ZNF704: variants seen among roughly 807,000 people sequenced by gnomAD.
The protein encoded by ZNF704 is glucocorticoid induced gene 1.
Under a neutral mutation model 44.7 loss-of-function variants are expected in ZNF704, and 10 were observed. The observed-to-expected ratio is 0.22, with a 90% CI of 0.14 to 0.38. ZNF704 has a LOEUF of 0.38. Ranked by LOEUF, ZNF704 falls within the 10% of genes least tolerant of loss-of-function variation. The pLI is 1.00. For synonymous variants in ZNF704, 211 were observed against 207.6 expected, an observed-to-expected ratio of 1.02 and a Z score of -0.14; for missense variants, 390 against 545.5, an observed-to-expected ratio of 0.71 and a Z score of 2.84.
chr8:80,849,762 G>T (rs1407748815), intron 1 of ZNF704, among the ~76,000 whole-genome samples: 2 of 152,204 alleles, frequency 1.3e-5, no homozygotes. Flanking sequence ...TGAAGATGAT[G>T]AGGTTTTAAG....
chr8:80,702,664 C>T (rs1020005055), intron 2 of ZNF704, among the ~76,000 whole-genome samples: 4 of 151,854 alleles, frequency 2.6e-5, no homozygotes, highest in Admixed American at 6.6e-5. Flanking sequence ...AATCAGGTGC[C>T]GAGGACACAA....
chr8:80,641,311 G>T lies in ZNF704; in HGVS notation c.*55C>A. The stretch of plus-strand genomic sequence containing the variant: ...AAAAGCTCTTTCCAACACCTGCAGT[G>T]GCAGGCCAGGGCAGGAGCGGCTCAG... On this transcript the variant is annotated 3_prime_UTR_variant, in exon 9 of 9. Transcript: ENST00000327835. The T allele has an allele frequency of 8.5e-7, 1 of 1,177,210 alleles. No individual in the cohort carries two copies. Among genetic ancestry groups the T allele is most frequent in the South Asian group, 1.6e-5 (1 of 61,140 alleles). The allele number at this position is 1,177,210 out of a possible 1,614,324, so 72.9% of individuals were successfully genotyped here. A position where few individuals can be genotyped will look rare whatever the true frequency, so the allele number is the denominator to read the frequency against.
the ZNF704 span, among the ~76,000 whole-genome samples, chr8:80,883,054 A>G: frequency 0.013 from 1,864 of 146,926 alleles, 45 homozygotes; most frequent in African/African-American, 0.045. Flanking sequence ...ACTGGGCAAC[A>G]TAATGAAACC....
At chr8:80,726,417 T>A (rs530650746) in intron 2 of ZNF704, among the ~76,000 whole-genome samples, 36 of 152,164 alleles carry the variant, frequency 2.4e-4, no homozygotes, top group Non-Finnish European at 4.1e-4. Context: ...CAGGGGAGAT[T>A]TGAAGATGAA....
chr8:80,725,884 G>T (rs1048549932), intron 2 of ZNF704, among the ~76,000 whole-genome samples: 2 of 152,016 alleles, frequency 1.3e-5, no homozygotes, highest in Non-Finnish European at 2.9e-5. Context: ...AAAAGTAAAA[G>T]AAATTTCTTT....
chr8:80,839,411 C>T (rs562565709), intron 1 of ZNF704, among the ~76,000 whole-genome samples: 2 of 152,332 alleles, frequency 1.3e-5, no homozygotes, highest in African/African-American at 4.8e-5. Context: ...AAGTTGAAAA[C>T]TAATGAACTC....
In ZNF704 at chr8:80,821,562, T is replaced by A. The variant is rs1253719680; in HGVS notation, c.33A>T (p.Lys11Asn). 3 of 1,613,750 alleles carry A rather than the reference T, an allele frequency of 1.9e-6. No homozygotes were observed. The highest frequency in any genetic ancestry group is 2.5e-6 in the Non-Finnish European group (3 of 1,179,962). ...GAGACATTTTTTTACCACAGTCACG[T>A]TTTAAGTCCTCTGACTGAAATGTGA... MTFTFQSEDL[K>N]RDCGKKMSHQ... Residue 11 changes from lysine (K) to asparagine (N), a missense_variant, in exon 2 of 9, where the codon AAA becomes AAT. Coordinates refer to ENST00000327835, the MANE Select transcript of ZNF704 (RefSeq NM_001033723.3).
intron 1 of ZNF704, among the ~76,000 whole-genome samples, chr8:80,839,786 C>T (rs150207986): frequency 1.3e-5 from 2 of 152,090 alleles, no homozygotes; most frequent in African/African-American, 4.8e-5. Context: ...TGCTCCTGAT[C>T]CTTCCTGCCT....
intron 4 of ZNF704, among the ~76,000 whole-genome samples, chr8:80,684,462 T>A (rs1257645837): frequency 6.6e-6 from 1 of 152,100 alleles, no homozygotes; most frequent in Non-Finnish European, 1.5e-5. Context: ...AAAAAACTGA[T>A]CTAGAAGGTT....
chr8:80,670,562 A>G lies in ZNF704; in HGVS notation c.600T>C (p.Cys200=). 6.2e-7 allele frequency: 1 copy of G among 1,614,054 alleles called. No homozygotes were observed. The highest frequency in any genetic ancestry group is 1.1e-5 in the South Asian group (1 of 91,068). The change falls in exon 5 of 9, where the codon TGT becomes TGC. Residue 200 remains cysteine (C), a synonymous_variant. Transcript: ENST00000327835. ...CTGCTGCAGTGCTCAGCACCTTCCCACAGTTTTTCCAGAGGCATTTGAACA... is the reference window on the plus strand; with the variant it reads ...CTGCTGCAGTGCTCAGCACCTTCCCGCAGTTTTTCCAGAGGCATTTGAACA... The part of the protein sequence containing the change: ...KVMFKCLWKN[C]GKVLSTAAGI...
At chr8:80,710,495 C>G (rs1054867668) in intron 2 of ZNF704, among the ~76,000 whole-genome samples, 1 of 152,174 alleles carries the variant, frequency 6.6e-6, no homozygotes, top group Non-Finnish European at 1.5e-5. Flanking sequence ...GACAGTGATT[C>G]TATCTCCACA....
upstream of ZNF704, among the ~76,000 whole-genome samples, chr8:80,876,588 G>A (rs923630972): frequency 6.6e-6 from 1 of 152,168 alleles, no homozygotes; most frequent in Non-Finnish European, 1.5e-5. Flanking sequence ...ACCTAGGTCC[G>A]AATCCTGACT....
intron 2 of ZNF704, among the ~76,000 whole-genome samples, chr8:80,795,239 T>C (rs762433710): frequency 7.2e-5 from 11 of 152,192 alleles, no homozygotes; most frequent in South Asian, 2.1e-4. Flanking sequence ...GGAACCTGCC[T>C]TTTTCTGTTT....
At chr8:80,855,548 T>C (rs1808945452) in intron 1 of ZNF704, among the ~76,000 whole-genome samples, 1 of 152,148 alleles carries the variant, frequency 6.6e-6, no homozygotes, top group African/African-American at 2.4e-5. Flanking sequence ...TGTTCTCACT[T>C]ATAAGTGAGA....
chr8:80,685,066 C>T (rs1165736382), intron 4 of ZNF704, among the ~76,000 whole-genome samples: 1 of 151,920 alleles, frequency 6.6e-6, no homozygotes, highest in Non-Finnish European at 1.5e-5. Context: ...AAACACTATT[C>T]TTATTTGTTC....
intron 1 of ZNF704, among the ~76,000 whole-genome samples, chr8:80,835,285 A>C (rs1435294143): frequency 2.0e-5 from 3 of 152,232 alleles, no homozygotes; most frequent in African/African-American, 7.2e-5. Flanking sequence ...TTTCCCAACC[A>C]TATGGTAAGG....
intron 4 of ZNF704, among the ~76,000 whole-genome samples, chr8:80,674,394 G>C (rs1263704330): frequency 6.6e-6 from 1 of 152,174 alleles, no homozygotes; most frequent in African/African-American, 2.4e-5. Flanking sequence ...GGTTTATTTA[G>C]GTAGTGGTTC....
At chr8:80,661,385 A>G (rs1818099510) in intron 6 of ZNF704, among the ~76,000 whole-genome samples, 1 of 152,194 alleles carries the variant, frequency 6.6e-6, no homozygotes, top group Admixed American at 6.5e-5. Context: ...AACAGTATGG[A>G]GATTTCTCAA....
At chr8:80,816,651 C>T (rs1046975899) in intron 2 of ZNF704, among the ~76,000 whole-genome samples, 3 of 152,128 alleles carry the variant, frequency 2.0e-5, no homozygotes, top group Admixed American at 2.0e-4. Flanking sequence ...CTTGTTACCC[C>T]CAACCCAATT....
Sources: gnomAD v4.1 joint callset for allele counts (sites outside exome capture counted in the v4.1 genomes callset) on GRCh38, gnomAD v4.1.1 for gene constraint, MANE v1.5 for transcripts, NCBI Gene and HGNC (gene_info 2026-07-23, HGNC 2026-07-21) for gene names.